UVRAG: variants seen among roughly 807,000 people sequenced by gnomAD.
The protein encoded by UVRAG is UV radiation resistance associated, also known as UV radiation resistance-associated gene protein.
In UVRAG, 19 loss-of-function variants were observed where a neutral mutation model predicts 78.0. That is an observed-to-expected ratio of 0.24 (90% confidence interval 0.17 to 0.36). The LOEUF (loss-of-function observed/expected upper bound fraction) is 0.36, where lower values mean the gene tolerates loss of function less well. Among genes scored for constraint, UVRAG ranks in the 10% least tolerant of loss-of-function variants. The pLI, the probability that UVRAG is intolerant of heterozygous loss-of-function variation, is 1.00. For missense variants in UVRAG, 740 were observed against 853.8 expected (o/e 0.87, Z 1.66); for synonymous variants, 323 against 324.6 (o/e 1.00, Z 0.05).
At chr11:75,985,243 T>C (rs993104252) in intron 8 of UVRAG, among the ~76,000 whole-genome samples, 21 of 151,952 alleles carry the variant, frequency 1.4e-4, no homozygotes, top group African/African-American at 3.1e-4. Flanking sequence ...TGTTGTAATA[T>C]CCTCTTGCAG....
At chr11:75,878,972 A>C (rs899154786) in intron 3 of UVRAG, among the ~76,000 whole-genome samples, 2 of 152,096 alleles carry the variant, frequency 1.3e-5, no homozygotes, top group Non-Finnish European at 2.9e-5. Flanking sequence ...GGAAATAAGC[A>C]AAAGTAGTTG....
At chr11:75,941,145 A>G (rs1948476073) in intron 6 of UVRAG, among the ~76,000 whole-genome samples, 1 of 152,202 alleles carries the variant, frequency 6.6e-6, no homozygotes, top group African/African-American at 2.4e-5. Flanking sequence ...TGAAGGAAGT[A>G]GTCATTCATT....
At chr11:75,850,396 A>G (rs1452001543) in intron 1 of UVRAG, among the ~76,000 whole-genome samples, 1 of 152,170 alleles carries the variant, frequency 6.6e-6, no homozygotes, top group Non-Finnish European at 1.5e-5. Context: ...CAGCAAATGC[A>G]TGGAGCTAGG....
At chr11:75,861,645 G>A (rs1946424601) in intron 2 of UVRAG, 101 bp from the exon 3 acceptor site, 2 of 718,846 alleles carry the variant, frequency 2.8e-6, no homozygotes, top group Non-Finnish European at 4.6e-6. Flanking sequence ...TATTTTAAAT[G>A]TTTTACTGCA....
Position 75,861,753 on chromosome 11 carries a change from T to C in UVRAG, c.243T>C (p.Tyr81=). 6.2e-7 allele frequency: 1 copy of C among 1,607,080 alleles called. No individual in the cohort carries two copies. The change falls in exon 3 of 15, where the codon TAT becomes TAC. Residue 81 remains tyrosine (Y), a synonymous_variant. Coordinates refer to ENST00000356136, the MANE Select transcript of UVRAG (RefSeq NM_003369.4). ...CSTEKIYKEF[Y]RSEVIKNSLN... Reference sequence around the variant, plus strand: ...TTTTTTCTTCTTTTCCAGAATTTTATAGAAGTGAAGTGATTAAGAATTCCT... The same window carrying C: ...TTTTTTCTTCTTTTCCAGAATTTTACAGAAGTGAAGTGATTAAGAATTCCT...
intron 7 of UVRAG, among the ~76,000 whole-genome samples, chr11:75,978,006 A>G (rs1949288585): frequency 6.6e-6 from 1 of 152,100 alleles, no homozygotes; most frequent in Non-Finnish European, 1.5e-5. Context: ...AGTGGCTGGT[A>G]CCGGTTGTTC....
chr11:76,061,107 T>C (rs1218190395), intron 12 of UVRAG, among the ~76,000 whole-genome samples: 1 of 152,184 alleles, frequency 6.6e-6, no homozygotes. Context: ...TGTATCTAGC[T>C]CAAGGTTTGT....
intron 3 of UVRAG, among the ~76,000 whole-genome samples, chr11:75,868,691 T>A (rs970371695): frequency 2.0e-5 from 3 of 152,320 alleles, no homozygotes; most frequent in Middle Eastern, 3.4e-3. Context: ...ATTGGGTTAA[T>A]AAGTAAAATT....
chr11:75,996,154 G>A (rs775603561), intron 8 of UVRAG, among the ~76,000 whole-genome samples: 2 of 151,862 alleles, frequency 1.3e-5, no homozygotes, highest in Non-Finnish European at 2.9e-5. Context: ...AGGTATAGAT[G>A]TGTAGAAATA....
At chr11:76,101,469 ATTTG>A (rs1466001040) in intron 13 of UVRAG, among the ~76,000 whole-genome samples, 2 of 151,626 alleles carry the variant, frequency 1.3e-5, no homozygotes, top group African/African-American at 4.8e-5. Flanking sequence ...TCTCTTGCAA[ATTTG>A]TTTAAGTTCC....
intron 13 of UVRAG, among the ~76,000 whole-genome samples, chr11:76,108,396 A>C (rs1952009243): frequency 6.6e-6 from 1 of 152,230 alleles, no homozygotes; most frequent in Non-Finnish European, 1.5e-5. Context: ...TTTATTTCTC[A>C]GCAGTAAAAT....
Position 75,961,607 on chromosome 11 carries a change from A to G in UVRAG, c.699+58A>G, listed in dbSNP as rs1258272672. The G allele has an allele frequency of 2.2e-6, 3 of 1,361,796 alleles. No individual in the cohort carries two copies. In the African/African-American group the frequency reaches 4.5e-5, roughly 20 times the overall value. The allele number at this position is 1,361,796 out of a possible 1,614,324, so 84.4% of individuals were successfully genotyped here. The stretch of plus-strand genomic sequence containing the variant: ...CTTGTTTTCTAAAGGAGAGTATCAT[A>G]TTCTTCTAGGGTTAATTTTAAAAAA... On this transcript the variant is annotated intron_variant, in intron 7 of 14. Coordinates refer to ENST00000356136, the MANE Select transcript of UVRAG (RefSeq NM_003369.4).
chr11:75,955,258 C>T (rs1761467135), intron 6 of UVRAG, among the ~76,000 whole-genome samples: 1 of 152,108 alleles, frequency 6.6e-6, no homozygotes, highest in Non-Finnish European at 1.5e-5. Context: ...CTATTGGATT[C>T]CTTAGGAGCC....
chr11:76,107,176 T>C (rs542637464), intron 13 of UVRAG, among the ~76,000 whole-genome samples: 19 of 152,242 alleles, frequency 1.2e-4, no homozygotes, highest in Non-Finnish European at 1.9e-4. Context: ...ACCATCTTAA[T>C]TGAAATATTT....
intron 6 of UVRAG, among the ~76,000 whole-genome samples, chr11:75,950,402 C>T (rs549012641): frequency 7.2e-5 from 11 of 152,256 alleles, no homozygotes; most frequent in African/African-American, 2.4e-4. Flanking sequence ...GGAATGGGTG[C>T]GCACTACCAT....
At chr11:75,948,776 G>C (rs1948628947) in intron 6 of UVRAG, among the ~76,000 whole-genome samples, 1 of 152,072 alleles carries the variant, frequency 6.6e-6, no homozygotes, top group African/African-American at 2.4e-5. Context: ...CTAGCTATTA[G>C]AGGGCCTAGA....
rs1378948317 is a variant in UVRAG, at chr11:75,961,434, A to G, written c.594-10A>G. 1.9e-6 allele frequency: 3 copies of G among 1,579,332 alleles called. No homozygotes were observed. The highest frequency in any genetic ancestry group is 2.6e-6 in the Non-Finnish European group (3 of 1,170,438). ...ACTCATTTACATTTTTCTATAACTT[A>G]TATTTCTAGGCTTCATAGAGCCCAG... On this transcript the variant is annotated splice_polypyrimidine_tract_variant and intron_variant, in intron 6 of 14. Transcript: ENST00000356136.
At chr11:75,901,086 A>G (rs1947485511) in intron 5 of UVRAG, among the ~76,000 whole-genome samples, 1 of 152,200 alleles carries the variant, frequency 6.6e-6, no homozygotes, top group Non-Finnish European at 1.5e-5. Context: ...ACACAGTTTT[A>G]TTCGGCTTAA....
chr11:75,948,588 T>C (rs1271568854), intron 6 of UVRAG, among the ~76,000 whole-genome samples: 1 of 152,192 alleles, frequency 6.6e-6, no homozygotes, highest in African/African-American at 2.4e-5. Flanking sequence ...TTTATTTGAA[T>C]AGAATTCTTT....
Sources: allele counts gnomAD v4.1 joint callset (sites outside exome capture counted in the v4.1 genomes callset), GRCh38; gene constraint gnomAD v4.1.1; transcripts MANE v1.5; gene names NCBI Gene and HGNC (gene_info 2026-07-23, HGNC 2026-07-21).